COL5A2: variants seen among roughly 807,000 people sequenced by gnomAD.
The protein encoded by COL5A2 is collagen type V alpha 2 chain.
Under a neutral mutation model 208.2 loss-of-function variants are expected in COL5A2, and 23 were observed. The observed-to-expected ratio is 0.11, with a 90% CI of 0.08 to 0.16. The LOEUF is 0.16. Ranked by LOEUF, COL5A2 falls within the 10% of genes least tolerant of loss-of-function variation. COL5A2 has a pLI of 1.00. For missense variants in COL5A2, 1,590 were observed against 1,956.4 expected, an observed-to-expected ratio of 0.81 and a Z score of 3.53; for synonymous variants, 625 against 628.5, an observed-to-expected ratio of 0.99 and a Z score of 0.08.
chr2:189,408,738 G>A, the COL5A2 span, among the ~76,000 whole-genome samples: 85,832 of 151,978 alleles, frequency 0.56, 26,066 homozygotes, highest in East Asian at 0.69. Context: ...GTAGAACAGC[G>A]GCTGATAGTG....
the COL5A2 span, chr2:189,311,563 G>C: frequency 1.6e-6 from 2 of 1,261,088 alleles, no homozygotes; most frequent in Non-Finnish European, 1.1e-6. Flanking sequence ...GCTGGGCGTA[G>C]TGGGCCTCCA....
the COL5A2 span, among the ~76,000 whole-genome samples, chr2:189,431,294 G>A: frequency 1.3e-5 from 2 of 152,156 alleles, no homozygotes; most frequent in South Asian, 2.1e-4. Context: ...CTCCTCCAAA[G>A]GATCGCAGCT....
chr2:189,391,149 A>G, the COL5A2 span, among the ~76,000 whole-genome samples: 1 of 152,146 alleles, frequency 6.6e-6, no homozygotes, highest in African/African-American at 2.4e-5. Flanking sequence ...TAACACTACT[A>G]TGAAAGTAAC....
chr2:189,212,401 G>A (rs1036736218), intron 1 of COL5A2, among the ~76,000 whole-genome samples: 2 of 152,238 alleles, frequency 1.3e-5, no homozygotes, highest in South Asian at 2.1e-4. Context: ...ACTTTGGGAG[G>A]CAGAGGTGGG....
intron 18 of COL5A2, among the ~76,000 whole-genome samples, chr2:189,070,757 A>G (rs893825373): frequency 6.6e-6 from 1 of 152,116 alleles, no homozygotes; most frequent in Non-Finnish European, 1.5e-5. Flanking sequence ...GGGATTTTGC[A>G]TGTTTTGATA....
chr2:189,416,710 A>C, the COL5A2 span, among the ~76,000 whole-genome samples: 7 of 152,214 alleles, frequency 4.6e-5, no homozygotes, highest in African/African-American at 7.2e-5. Context: ...TTAAAGTATA[A>C]CAATAATAAA....
chr2:189,097,402 A>G (rs761442999), intron 5 of COL5A2, 72 bp from the exon 6 acceptor site: 1 of 1,509,708 alleles, frequency 6.6e-7, no homozygotes, highest in Non-Finnish European at 9.2e-7. Context: ...AGTCTACTTG[A>G]TAAAAGAAAA....
In COL5A2 at chr2:189,053,481, G is replaced by A; in HGVS notation, c.2500-4C>T. Reference sequence around the variant, plus strand: ...GCCCATTTTCACCTCGAGAACCCTAGGAGGAGACAAAGATTACTGTAGCTT... The same window carrying A: ...GCCCATTTTCACCTCGAGAACCCTAAGAGGAGACAAAGATTACTGTAGCTT... On this transcript the variant is annotated splice_region_variant and splice_polypyrimidine_tract_variant and intron_variant, in intron 37 of 53. Coordinates refer to ENST00000374866, the MANE Select transcript of COL5A2 (RefSeq NM_000393.5). 2 of 1,613,164 alleles carry A rather than the reference G, an allele frequency of 1.2e-6. No individual in the cohort carries two copies. Among genetic ancestry groups the A allele is most frequent in the South Asian group, 2.2e-5 (2 of 91,054 alleles).
At chr2:189,063,416 T>A (rs1686078410) in intron 26 of COL5A2, 146 bp from the exon 27 acceptor site, 4 of 722,704 alleles carry the variant, frequency 5.5e-6, no homozygotes, top group Non-Finnish European at 9.5e-6. Context: ...GACAGTTGAA[T>A]GGGTTTTTTA....
At chr2:189,371,258 T>C in the COL5A2 span, among the ~76,000 whole-genome samples, 1 of 152,210 alleles carries the variant, frequency 6.6e-6, no homozygotes, top group Non-Finnish European at 1.5e-5. Context: ...CTTTTCTTTA[T>C]AAATTATCCC....
chr2:189,245,696 G>C, the COL5A2 span, among the ~76,000 whole-genome samples: 6 of 151,824 alleles, frequency 4.0e-5, no homozygotes, highest in African/African-American at 1.5e-4. Flanking sequence ...CTGTGGTCTC[G>C]ATCTCCTGAC....
the COL5A2 span, among the ~76,000 whole-genome samples, chr2:189,330,070 A>C: frequency 6.6e-6 from 1 of 152,218 alleles, no homozygotes; most frequent in African/African-American, 2.4e-5. Flanking sequence ...CTAACAGTCT[A>C]GAATTCTGGT....
the COL5A2 span, among the ~76,000 whole-genome samples, chr2:189,370,539 AACAC>A: frequency 6.6e-6 from 1 of 152,072 alleles, no homozygotes; most frequent in East Asian, 1.9e-4. Flanking sequence ...TCTAAAATAA[AACAC>A]ACACACACAA....
the COL5A2 span, among the ~76,000 whole-genome samples, chr2:189,286,397 T>C: frequency 6.6e-6 from 1 of 152,282 alleles, no homozygotes; most frequent in South Asian, 2.1e-4. Flanking sequence ...TGGAAAATGT[T>C]AGGAAAGCAA....
the COL5A2 span, among the ~76,000 whole-genome samples, chr2:189,411,604 T>C: frequency 6.6e-6 from 1 of 152,160 alleles, no homozygotes; most frequent in Non-Finnish European, 1.5e-5. Context: ...AATATAGCAT[T>C]TTAATATTTG....
chr2:189,414,027 G>A, the COL5A2 span, among the ~76,000 whole-genome samples: 28 of 152,040 alleles, frequency 1.8e-4, no homozygotes, highest in African/African-American at 6.5e-4. Context: ...CCTAACCTCA[G>A]GTGATCCGGC....
chr2:189,398,632 T>C, the COL5A2 span, among the ~76,000 whole-genome samples: 258 of 152,270 alleles, frequency 1.7e-3, 3 homozygotes, highest in South Asian at 0.013. Context: ...TTCAATCCTT[T>C]TTCATTCGAC....
the COL5A2 span, among the ~76,000 whole-genome samples, chr2:189,314,604 A>T: frequency 6.6e-6 from 1 of 152,138 alleles, no homozygotes; most frequent in Non-Finnish European, 1.5e-5. Flanking sequence ...ACTGAAGGAG[A>T]CTGAGACGCA....
chr2:189,314,748 T>C, the COL5A2 span, among the ~76,000 whole-genome samples: 2 of 152,096 alleles, frequency 1.3e-5, no homozygotes, highest in African/African-American at 4.8e-5. Context: ...ACAAGGGGGA[T>C]ATTACCACTG....
Sources: gnomAD v4.1 joint callset for allele counts (sites outside exome capture counted in the v4.1 genomes callset) on GRCh38, gnomAD v4.1.1 for gene constraint, MANE v1.5 for transcripts, NCBI Gene and HGNC (gene_info 2026-07-23, HGNC 2026-07-21) for gene names.